The following KCNJ6 variants were observed in gnomAD, a reference collection of about 807,000 sequenced individuals.
The protein encoded by KCNJ6 is potassium inwardly rectifying channel subfamily J member 6.
A neutral mutation model predicts 34.2 loss-of-function variants in KCNJ6; 9 were observed. The ratio of observed to expected loss-of-function variants is 0.26; its 90% confidence interval spans 0.16 to 0.46. KCNJ6 has a LOEUF of 0.46. Ranked by LOEUF, KCNJ6 falls within the 20% of genes least tolerant of loss-of-function variation. The probability of loss-of-function intolerance (pLI) is 1.00; values close to 1 mark genes in which losing one functional copy is unlikely to be tolerated. For missense variants in KCNJ6, 236 were observed against 531.3 expected (o/e 0.44, Z 5.46); for synonymous variants, 196 against 207.1 (o/e 0.95, Z 0.46).
chr21:37,858,647 C>G (rs1336702890), intron 1 of KCNJ6, among the ~76,000 whole-genome samples: 1 of 152,030 alleles, frequency 6.6e-6, no homozygotes, highest in East Asian at 1.9e-4. Flanking sequence ...GGGATAAGAT[C>G]TAAAGTCTTT....
chr21:37,699,942 T>C (rs1048033059), intron 3 of KCNJ6, among the ~76,000 whole-genome samples: 2 of 152,180 alleles, frequency 1.3e-5, no homozygotes, highest in African/African-American at 4.8e-5. Flanking sequence ...CCACAACTGG[T>C]AGAGCCCAGA....
Position 37,677,787 on chromosome 21 carries a change from T to TCCATCCATCCATCCACCCATCCATCCAC in KCNJ6, c.946+36423_946+36424insGTGGATGGATGGGTGGATGGATGGATGG, listed in dbSNP as rs1569443666. On this transcript the variant is annotated intron_variant, in intron 3 of 3. Transcript: ENST00000609713. ...AACCATTTGTCCATCCATCCATCCA[T>TCCATCCATCCATCCACCCATCCATCCAC]CCACCCACCTATCCACCCACCCATC... Among the ~76,000 whole-genome samples, 10 of 137,862 alleles carry TCCATCCATCCATCCACCCATCCATCCAC rather than the reference T, an allele frequency of 7.3e-5. 1 individual carries two copies. Among genetic ancestry groups the TCCATCCATCCATCCACCCATCCATCCAC allele is most frequent in the Non-Finnish European group, 1.3e-4 (8 of 60,282 alleles). The allele number at this position is 137,862 out of a possible 152,430, so 90.4% of individuals were successfully genotyped here.
chr21:37,688,595 C>A (rs556492815), intron 3 of KCNJ6, among the ~76,000 whole-genome samples: 2 of 152,220 alleles, frequency 1.3e-5, no homozygotes, highest in African/African-American at 4.8e-5. Flanking sequence ...TCCTAGTGAG[C>A]CTAACCTTCG....
rs2054307392 is a variant in KCNJ6, at chr21:37,625,609, C to A, written c.947-125G>T. 3 of 644,134 alleles carry A rather than the reference C, an allele frequency of 4.7e-6. No homozygotes were observed. In the Admixed American group the frequency reaches 8.7e-5, roughly 19 times the overall value. The allele number at this position is 644,134 out of a possible 1,614,324, so 39.9% of individuals were successfully genotyped here. On this transcript the variant is annotated intron_variant, in intron 3 of 3. Coordinates refer to ENST00000609713, the MANE Select transcript of KCNJ6 (RefSeq NM_002240.5). ...AGACTGACCTGCATACGATGCCACA[C>A]TTAGTAGGTGTCATTCATGTTGTAG...
chr21:37,796,054 C>T (rs960273757), intron 2 of KCNJ6, among the ~76,000 whole-genome samples: 7 of 152,118 alleles, frequency 4.6e-5, no homozygotes, highest in Non-Finnish European at 1.0e-4. Context: ...GGAAGGGCAG[C>T]CATGGAGGAC....
chr21:37,913,333 T>G (rs1268494399), intron 1 of KCNJ6, among the ~76,000 whole-genome samples: 1 of 152,214 alleles, frequency 6.6e-6, no homozygotes, highest in Non-Finnish European at 1.5e-5. Context: ...TCCTCTCGGT[T>G]TCCTACGACT....
chr21:37,681,838 G>A (rs1417952082), intron 3 of KCNJ6, among the ~76,000 whole-genome samples: 3 of 152,206 alleles, frequency 2.0e-5, no homozygotes, highest in Non-Finnish European at 2.9e-5. Context: ...ATACCTCTGA[G>A]TAGTAACCTT....
intron 1 of KCNJ6, among the ~76,000 whole-genome samples, chr21:37,850,601 A>G (rs1304123073): frequency 6.6e-6 from 1 of 151,776 alleles, no homozygotes; most frequent in Non-Finnish European, 1.5e-5. Flanking sequence ...ATTGTCTTCC[A>G]TGAAACTGGT....
chr21:37,740,368 T>C (rs1159729046), intron 2 of KCNJ6, among the ~76,000 whole-genome samples: 1 of 152,208 alleles, frequency 6.6e-6, no homozygotes, highest in Non-Finnish European at 1.5e-5. Context: ...TTCAGCTGCA[T>C]GATAAAACTT....
Position 37,625,466 on chromosome 21 carries a change from C to T in KCNJ6, c.965G>A (p.Arg322Gln). 1 of 1,612,932 alleles carries T rather than the reference C, an allele frequency of 6.2e-7. No individual in the cohort carries two copies. The highest frequency in any genetic ancestry group is 8.5e-7 in the Non-Finnish European group (1 of 1,179,130). ...VEATGMTCQA[R>Q]SSYITSEILW... ...GATCTCACTGGTGATGTAGGAGCTT[C>T]GAGCTTGGCATGTCATCCCTGCAGA... The change falls in exon 4 of 4, where the codon CGA becomes CAA. Residue 322 changes from arginine to glutamine, a missense_variant. Physicochemically the swap from Arg to Gln is conservative, Grantham distance 43 (BLOSUM62 1). Coordinates refer to ENST00000609713, the MANE Select transcript of KCNJ6 (RefSeq NM_002240.5).
chr21:37,796,522 G>A (rs58591385), intron 2 of KCNJ6, among the ~76,000 whole-genome samples: 2,596 of 151,998 alleles, frequency 0.017, 74 homozygotes, highest in African/African-American at 0.057. Context: ...TGTTAGCCTC[G>A]GTTTTGTCCT....
At chr21:37,899,237 G>A (rs1197556911) in intron 1 of KCNJ6, among the ~76,000 whole-genome samples, 2 of 152,162 alleles carry the variant, frequency 1.3e-5, no homozygotes, top group African/African-American at 4.8e-5. Flanking sequence ...TGTCTTTTGT[G>A]TATAATCTCG....
intron 3 of KCNJ6, among the ~76,000 whole-genome samples, chr21:37,682,300 A>C (rs1709808): frequency 0.88 from 134,403 of 152,214 alleles, 60,093 homozygotes; most frequent in Non-Finnish European, 0.95. Flanking sequence ...CTCAGGGAGT[A>C]GTGTTAGCAC....
intron 2 of KCNJ6, among the ~76,000 whole-genome samples, chr21:37,765,888 G>A (rs972131744): frequency 6.6e-6 from 1 of 152,184 alleles, no homozygotes; most frequent in Admixed American, 6.5e-5. Flanking sequence ...AATTGGCTAT[G>A]TAAAATTTAT....
rs547775665 is a variant in KCNJ6, at chr21:37,826,989, C to G, written c.25+13669G>C. ...TTGTCCCTGGGATGTGGGGACTCAG[C>G]GACTCTCAGGAGAAAATAATTTTGG... On this transcript the variant is annotated intron_variant, in intron 2 of 3. Transcript: ENST00000609713. 2.6e-5 allele frequency among the ~76,000 whole-genome samples: 4 copies of G among 152,198 alleles called. No individual in the cohort carries two copies. In the South Asian group the frequency reaches 6.2e-4, roughly 24 times the overall value.
chr21:37,631,370 C>T (rs911206743), intron 3 of KCNJ6, among the ~76,000 whole-genome samples: 4 of 152,168 alleles, frequency 2.6e-5, no homozygotes, highest in Non-Finnish European at 5.9e-5. Flanking sequence ...GGACCCTCAG[C>T]TAAAATATAA....
intron 2 of KCNJ6, among the ~76,000 whole-genome samples, chr21:37,791,303 G>A (rs2055215768): frequency 6.6e-6 from 1 of 152,236 alleles, no homozygotes; most frequent in Non-Finnish European, 1.5e-5. Context: ...TACTCTTGAA[G>A]GTCTCTGACC....
At chr21:37,681,772 G>A (rs2054591738) in intron 3 of KCNJ6, among the ~76,000 whole-genome samples, 1 of 37,874 alleles carries the variant, frequency 2.6e-5, no homozygotes, top group Admixed American at 4.3e-4. Context: ...GAGAGCGGGA[G>A]AGAGGACGAA....
intron 3 of KCNJ6, among the ~76,000 whole-genome samples, chr21:37,698,676 C>T (rs1467129001): frequency 6.6e-6 from 1 of 151,080 alleles, no homozygotes; most frequent in Non-Finnish European, 1.5e-5. Context: ...AGACCACAAA[C>T]GAGCGCCACC....
Sources: allele counts gnomAD v4.1 joint callset (sites outside exome capture counted in the v4.1 genomes callset), GRCh38; gene constraint gnomAD v4.1.1; transcripts MANE v1.5; gene names NCBI Gene and HGNC (gene_info 2026-07-23, HGNC 2026-07-21).